Variants in LRP6 observed in about 807,000 individuals in gnomAD.
The protein encoded by LRP6 is low-density lipoprotein receptor-related protein 6.
Under a neutral mutation model 184.1 loss-of-function variants are expected in LRP6, and 43 were observed. The ratio of observed to expected loss-of-function variants is 0.23; its 90% CI spans 0.18 to 0.30. The LOEUF (loss-of-function observed/expected upper bound fraction) is 0.30. Ranked by LOEUF, LRP6 falls within the 10% of genes least tolerant of loss-of-function variation. The pLI is 1.00. For synonymous variants in LRP6, 719 were observed against 684.9 expected, an observed-to-expected ratio of 1.05 and a Z score of -0.78; for missense variants, 1,571 against 2,005.3, an observed-to-expected ratio of 0.78 and a Z score of 4.14.
At chr12:12,218,829 C>A (rs12311922) in intron 2 of LRP6, among the ~76,000 whole-genome samples, 10,540 of 152,100 alleles carry the variant, frequency 0.069, 437 homozygotes, top group Admixed American at 0.098. Context: ...ACCCCCATCT[C>A]TTTAAAAAAC....
rs1949583036 is a variant in LRP6, at chr12:12,120,036, TA to T, written c.*1089del. 1 of 116,608 alleles carries T rather than the reference TA, an allele frequency of 8.6e-6. No homozygotes were observed. Among genetic ancestry groups the T allele is most frequent in the Non-Finnish European group, 1.8e-5 (1 of 56,026 alleles). 7.2% of individuals were successfully genotyped at this position (116,608 alleles called of 1,614,324 possible). On this transcript the variant is annotated 3_prime_UTR_variant, in exon 23 of 23. Coordinates refer to ENST00000261349, the MANE Select transcript of LRP6 (RefSeq NM_002336.3). ...ATATATATATATATATATATATATA[TA>T]TATATAAATGATTTCGTACTGTGAT...
At chr12:12,241,031 G>A (rs1285915281) in intron 2 of LRP6, among the ~76,000 whole-genome samples, 1 of 152,114 alleles carries the variant, frequency 6.6e-6, no homozygotes, top group Non-Finnish European at 1.5e-5. Context: ...TTAGAGAGAG[G>A]AATAAAAATC....
chr12:12,262,420 T>C (rs1565734926), intron 1 of LRP6, among the ~76,000 whole-genome samples: 1 of 151,970 alleles, frequency 6.6e-6, no homozygotes, highest in Non-Finnish European at 1.5e-5. Flanking sequence ...AAGTCAGGCA[T>C]GGTGGCAGGC....
intron 2 of LRP6, among the ~76,000 whole-genome samples, chr12:12,227,686 G>C (rs914989503): frequency 6.6e-6 from 1 of 152,230 alleles, no homozygotes; most frequent in African/African-American, 2.4e-5. Context: ...TGAGATTACA[G>C]ACTTAAGTCA....
Position 12,203,325 on chromosome 12 carries a change from A to G in LRP6, c.525T>C (p.Ile175=). The change falls in exon 3 of 23, where the codon ATT becomes ATC. Residue 175 remains isoleucine, a synonymous_variant. Coordinates refer to ENST00000261349, the MANE Select transcript of LRP6 (RefSeq NM_002336.3). Reference sequence around the variant, plus strand: ...GCCAGTAAATTTCACTGTTTATTATAATGAAGCGACTTGAACCATCCATTC... The same window carrying G: ...GCCAGTAAATTTCACTGTTTATTATGATGAAGCGACTTGAACCATCCATTC... ...RAGMDGSSRF[I]IINSEIYWPN... The G allele has an allele frequency of 1.2e-6, 2 of 1,614,096 alleles. No individual in the cohort carries two copies. Among genetic ancestry groups the G allele is most frequent in the Non-Finnish European group, 1.7e-6 (2 of 1,179,932 alleles).
intron 15 of LRP6, among the ~76,000 whole-genome samples, chr12:12,146,919 G>A (rs559768083): frequency 5.3e-5 from 8 of 152,302 alleles, no homozygotes; most frequent in Admixed American, 3.3e-4. Context: ...TTGGGAGGCC[G>A]AGGCGGGTGG....
At chr12:12,145,709 G>A (rs981490501) in intron 15 of LRP6, among the ~76,000 whole-genome samples, 2 of 140,120 alleles carry the variant, frequency 1.4e-5, no homozygotes, top group African/African-American at 5.4e-5. Context: ...TTGACTCACT[G>A]CAACCACCGC....
intron 15 of LRP6, among the ~76,000 whole-genome samples, chr12:12,146,738 G>C (rs1235587982): frequency 3.3e-5 from 5 of 152,150 alleles, no homozygotes; most frequent in African/African-American, 1.2e-4. Flanking sequence ...GAAAATTTAG[G>C]AGCCATGTGT....
At chr12:12,148,533 A>T (rs920646593) in intron 14 of LRP6, among the ~76,000 whole-genome samples, 1 of 152,218 alleles carries the variant, frequency 6.6e-6, no homozygotes, top group African/African-American at 2.4e-5. Context: ...AGTGGTAAAT[A>T]CAAGACTAAA....
intron 9 of LRP6, among the ~76,000 whole-genome samples, chr12:12,163,931 A>T (rs1294352801): frequency 6.6e-6 from 1 of 152,158 alleles, no homozygotes; most frequent in Non-Finnish European, 1.5e-5. Context: ...CAAGAGTTCG[A>T]GCGGCCTGGC....
At chr12:12,200,224 T>C (rs1223750600) in intron 3 of LRP6, among the ~76,000 whole-genome samples, 3 of 152,312 alleles carry the variant, frequency 2.0e-5, no homozygotes, top group Admixed American at 1.3e-4. Flanking sequence ...ATTATCTGTG[T>C]TTCCACGAGA....
chr12:12,123,656 G>A (rs1949633705), intron 22 of LRP6, among the ~76,000 whole-genome samples: 1 of 152,190 alleles, frequency 6.6e-6, no homozygotes, highest in African/African-American at 2.4e-5. Context: ...GCCTTTCAAG[G>A]AACATAGAAG....
chr12:12,174,205 G>A (rs150313049), intron 7 of LRP6, among the ~76,000 whole-genome samples: 3 of 151,952 alleles, frequency 2.0e-5, no homozygotes, highest in African/African-American at 7.2e-5. Flanking sequence ...TCCGCCACCC[G>A]GGTTCAAGCA....
intron 3 of LRP6, among the ~76,000 whole-genome samples, chr12:12,200,167 T>C (rs1005039025): frequency 2.0e-5 from 3 of 152,082 alleles, no homozygotes; most frequent in Non-Finnish European, 2.9e-5. Context: ...CAACATCACA[T>C]TGAAGTATTC....
rs1863409821 is a variant in LRP6, at chr12:12,184,072, T to C, written c.884A>G (p.His295Arg). Residue 295 changes from histidine (H) to arginine (R), a missense_variant, in exon 5 of 23, where the codon CAT (histidine) becomes CGT (arginine). Physicochemically the swap from His to Arg is conservative, Grantham distance 29. Transcript: ENST00000261349. ...CTTGACTGGAGACATCAAACACAAA[T>C]GGGAACAACCCCCATTGTCAATTCC... ...PCGIDNGGCS[H>R]LCLMSPVKPF... is the part of the protein sequence containing the mutation. The C allele has an allele frequency of 6.2e-7, 1 of 1,613,596 alleles. No homozygotes were observed. Among genetic ancestry groups the C allele is most frequent in the African/African-American group, 1.3e-5 (1 of 74,894 alleles).
intron 4 of LRP6, among the ~76,000 whole-genome samples, chr12:12,185,973 G>A (rs1336065709): frequency 4.6e-5 from 7 of 151,784 alleles, no homozygotes; most frequent in African/African-American, 1.7e-4. Context: ...AGCCTCCCAA[G>A]TAGCTGGGAT....
At chr12:12,219,963 G>C (rs1010063225) in intron 2 of LRP6, among the ~76,000 whole-genome samples, 3 of 152,180 alleles carry the variant, frequency 2.0e-5, no homozygotes, top group African/African-American at 7.2e-5. Flanking sequence ...GAAGGCAACA[G>C]CAACAGCTAA....
chr12:12,158,798 C>A (rs1420600221), intron 12 of LRP6, 31 bp downstream of exon 12: 2 of 1,605,144 alleles, frequency 1.2e-6, no homozygotes, highest in Non-Finnish European at 1.7e-6. Flanking sequence ...TTCTCTCATT[C>A]TAGCTTGCTT....
At chr12:12,259,723 G>A (rs1865565456) in intron 1 of LRP6, among the ~76,000 whole-genome samples, 1 of 152,142 alleles carries the variant, frequency 6.6e-6, no homozygotes, top group Non-Finnish European at 1.5e-5. Context: ...ATAATTTTAA[G>A]AGCAAACAGC....
Sources: gnomAD v4.1 joint callset for allele counts (sites outside exome capture counted in the v4.1 genomes callset) on GRCh38, gnomAD v4.1.1 for gene constraint, MANE v1.5 for transcripts, NCBI Gene and HGNC (gene_info 2026-07-23, HGNC 2026-07-21) for gene names.